Variants in PPME1 observed in about 807,000 individuals in gnomAD.
The protein encoded by PPME1 is protein phosphatase methylesterase 1, also known as testicular secretory protein Li 39.
A neutral mutation model predicts 56.9 loss-of-function variants in PPME1; 17 were observed. The observed-to-expected ratio is 0.30, with a 90% CI of 0.20 to 0.45. The LOEUF (loss-of-function observed/expected upper bound fraction) is 0.45. Among genes scored for constraint, PPME1 ranks in the 20% least tolerant of loss-of-function variants. The pLI, the probability that PPME1 is intolerant of heterozygous loss-of-function variation, is 1.00. For synonymous variants in PPME1, 122 were observed against 156.2 expected (o/e 0.78, Z 1.63); for missense variants, 357 against 483.2 (o/e 0.74, Z 2.45).
At chr11:74,245,933 A>G (rs1486619271) in intron 9 of PPME1, 143 bp from the exon 10 acceptor site, 5 of 812,916 alleles carry the variant, frequency 6.2e-6, no homozygotes, top group Non-Finnish European at 9.3e-6. Flanking sequence ...GAAGGATTGA[A>G]TGTATATTAA....
intron 1 of PPME1, among the ~76,000 whole-genome samples, chr11:74,180,412 C>T (rs1164695843): frequency 6.6e-6 from 1 of 152,130 alleles, no homozygotes; most frequent in Non-Finnish European, 1.5e-5. Flanking sequence ...CCTATTTAAC[C>T]CCGTTCTATA....
At position 74,236,389 on chromosome 11, in the gene PPME1, G is replaced by C. The variant is rs1859191365; in HGVS notation, c.710+423G>C. 2.0e-5 allele frequency among the ~76,000 whole-genome samples: 3 copies of C among 152,176 alleles called. 1 individual carries two copies. The South Asian group carries it at 6.2e-4, about 32-fold the overall frequency. ...TGAGTGAAAGCCAGATTCTAAGAGT[G>C]AGCTAAGATTATTTAGCCCAATTGA... is the stretch of plus-strand genomic sequence containing the variant. On this transcript the variant is annotated intron_variant, in intron 8 of 13. Coordinates refer to ENST00000328257, the MANE Select transcript of PPME1 (RefSeq NM_016147.3).
intron 13 of PPME1, among the ~76,000 whole-genome samples, chr11:74,252,950 C>G (rs142355556): frequency 6.6e-6 from 1 of 152,300 alleles, no homozygotes; most frequent in Non-Finnish European, 1.5e-5. Flanking sequence ...TCAGAGAGCC[C>G]ACAACCCTCA....
intron 5 of PPME1, among the ~76,000 whole-genome samples, chr11:74,226,390 GAGAA>G (rs1235474494): frequency 6.6e-6 from 1 of 152,126 alleles, no homozygotes. Context: ...CAGAGAGAGA[GAGAA>G]AGAAATAATG....
chr11:74,184,627 C>G (rs748353320), intron 1 of PPME1, among the ~76,000 whole-genome samples: 1 of 152,200 alleles, frequency 6.6e-6, no homozygotes, highest in Admixed American at 6.5e-5. Flanking sequence ...CAGATATCAT[C>G]CTTGTGAATC....
intron 1 of PPME1, among the ~76,000 whole-genome samples, chr11:74,173,463 GAGAA>G (rs961529887): frequency 6.6e-6 from 1 of 150,750 alleles, no homozygotes; most frequent in African/African-American, 2.4e-5. Context: ...AAGATACTGA[GAGAA>G]AAAAAAAGGA....
intron 3 of PPME1, among the ~76,000 whole-genome samples, chr11:74,206,275 G>A (rs1858324451): frequency 6.6e-6 from 1 of 152,018 alleles, no homozygotes; most frequent in African/African-American, 2.4e-5. Flanking sequence ...TGAACTCCTA[G>A]GCTTATGAGT....
Position 74,253,630 on chromosome 11 carries a change from T to C in PPME1, c.*120T>C, listed in dbSNP as rs1389376202. The C allele has an allele frequency of 1.6e-5, 18 of 1,147,374 alleles. No homozygotes were observed. The highest frequency in any genetic ancestry group is 1.4e-5 in the Non-Finnish European group (11 of 761,942). 71.1% of individuals were successfully genotyped at this position (1,147,374 alleles called of 1,614,324 possible). On this transcript the variant is annotated 3_prime_UTR_variant, in exon 14 of 14. Transcript: ENST00000328257. Reference sequence around the variant, plus strand: ...CCAGCCATGTGACACTGGCTCCCGGTAGACGGGCACCCCGAGATGTACCAA... The same window carrying C: ...CCAGCCATGTGACACTGGCTCCCGGCAGACGGGCACCCCGAGATGTACCAA...
intron 12 of PPME1, chr11:74,251,288 C>T: frequency 7.3e-7 from 1 of 1,361,096 alleles, no homozygotes; most frequent in Non-Finnish European, 9.4e-7. Context: ...CCAATACCCC[C>T]AAAAGCCAGA....
chr11:74,215,580 C>T (rs1472334625), intron 3 of PPME1, among the ~76,000 whole-genome samples: 5 of 151,878 alleles, frequency 3.3e-5, no homozygotes, highest in African/African-American at 1.2e-4. Flanking sequence ...AGAAAATCAC[C>T]TGCACTAAAG....
At chr11:74,171,672 A>G in intron 1 of PPME1, 150 bp downstream of exon 1, 1 of 1,049,606 alleles carries the variant, frequency 9.5e-7, no homozygotes, top group Non-Finnish European at 1.3e-6. Flanking sequence ...TAGAAGGCAG[A>G]TTGGGGTACT....
chr11:74,212,244 C>G (rs1469468979), intron 3 of PPME1, among the ~76,000 whole-genome samples: 1 of 152,094 alleles, frequency 6.6e-6, no homozygotes, highest in Non-Finnish European at 1.5e-5. Context: ...TCAGTGCTGC[C>G]CTGTCACAGT....
intron 1 of PPME1, among the ~76,000 whole-genome samples, chr11:74,177,652 G>GT (rs1208850378): frequency 6.6e-6 from 1 of 151,846 alleles, no homozygotes; most frequent in African/African-American, 2.4e-5. Context: ...GGTTCCTCTT[G>GT]TTTTTTTCTC....
intron 1 of PPME1, 31 bp downstream of exon 1, chr11:74,171,553 G>A (rs1365580442): frequency 6.3e-7 from 1 of 1,582,440 alleles, no homozygotes; most frequent in Non-Finnish European, 8.6e-7. Context: ...CTCCCTATGG[G>A]CCAGGCCCCA....
chr11:74,227,449 G>A (rs1257182734), intron 5 of PPME1, among the ~76,000 whole-genome samples: 1 of 151,042 alleles, frequency 6.6e-6, no homozygotes, highest in African/African-American at 2.5e-5. Flanking sequence ...AAACATTTGT[G>A]TGATTTCTGA....
At chr11:74,192,667 C>T (rs1857871834) in intron 1 of PPME1, among the ~76,000 whole-genome samples, 1 of 152,044 alleles carries the variant, frequency 6.6e-6, no homozygotes, top group Non-Finnish European at 1.5e-5. Flanking sequence ...TGGTTTATTG[C>T]CATCACCTTG....
chr11:74,171,506 G>A lies in PPME1; in HGVS notation c.85G>A (p.Ala29Thr), dbSNP rs1221636206. The change falls in exon 1 of 14, where the codon GCC (alanine) becomes ACC (threonine). Residue 29 changes from alanine (A) to threonine (T), a missense_variant. By Grantham distance (58) the Ala-to-Thr change is moderately conservative. Around this residue, in one of 2 missense-constraint regions of PPME1, gnomAD observed 175 missense variants for 189.4 expected, o/e 0.92. Transcript: ENST00000328257. ...CGGCAGCGGGGGCAGTCAGAGCGGA[G>A]CCAAGATGCGAATGGGGTACGTGAC... is the stretch of plus-strand genomic sequence containing the variant. The part of the protein sequence containing the change: ...LPGSGGSQSG[A>T]KMRMGPGRKR... 11 of 1,612,832 alleles carry A rather than the reference G, an allele frequency of 6.8e-6. No homozygotes were observed. Among genetic ancestry groups the A allele is most frequent in the Non-Finnish European group, 8.5e-6 (10 of 1,179,584 alleles).
At chr11:74,246,246 A>G (rs1188167995) in intron 10 of PPME1, 41 bp downstream of exon 10, 2 of 1,497,632 alleles carry the variant, frequency 1.3e-6, no homozygotes, top group South Asian at 2.5e-5. Flanking sequence ...TCAGGCTGCC[A>G]TAACCAAATA....
intron 1 of PPME1, among the ~76,000 whole-genome samples, chr11:74,197,818 A>T (rs140869454): frequency 1.1e-3 from 174 of 152,348 alleles, no homozygotes; most frequent in African/African-American, 4.1e-3. Context: ...CAGTGGAATT[A>T]TAGCAAAATA....
Sources: allele counts gnomAD v4.1 joint callset (sites outside exome capture counted in the v4.1 genomes callset), GRCh38; gene constraint gnomAD v4.1.1; regional missense constraint gnomAD v4.1.1; transcripts MANE v1.5; gene names NCBI Gene and HGNC (gene_info 2026-07-23, HGNC 2026-07-21).